Variants in GPATCH2L observed in about 807,000 individuals in gnomAD.
The protein encoded by GPATCH2L is G patch domain-containing protein 2-like.
A neutral mutation model predicts 57.4 loss-of-function variants in GPATCH2L; 31 were observed. The ratio of observed to expected loss-of-function variants is 0.54; its 90% CI spans 0.41 to 0.73. GPATCH2L has a LOEUF of 0.73. Among genes scored for constraint, GPATCH2L ranks in the 30% least tolerant of loss-of-function variants. The probability of loss-of-function intolerance (pLI) is 0.00; values close to 1 mark genes in which losing one functional copy is unlikely to be tolerated. For missense variants in GPATCH2L, 481 were observed against 599.9 expected (o/e 0.80, Z 2.07); for synonymous variants, 199 against 210.7 (o/e 0.94, Z 0.48).
intron 8 of GPATCH2L, among the ~76,000 whole-genome samples, chr14:76,181,433 G>T (rs996464186): frequency 6.6e-6 from 1 of 152,176 alleles, no homozygotes; most frequent in African/African-American, 2.4e-5. Flanking sequence ...CTTCCTGCTC[G>T]TTATCTGTTT....
rs2040391390 is a variant in GPATCH2L, at chr14:76,207,457, A to G, written c.*5606A>G. 1 of 152,210 alleles carries G rather than the reference A, an allele frequency of 6.6e-6. No homozygotes were observed. The highest frequency in any genetic ancestry group is 6.5e-5 in the Admixed American group (1 of 15,282). The allele number at this position is 152,210 out of a possible 1,614,324, so 9.4% of individuals were successfully genotyped here. On this transcript the variant is annotated 3_prime_UTR_variant, in exon 10 of 10. Coordinates refer to ENST00000261530, the MANE Select transcript of GPATCH2L (RefSeq NM_017926.4). Reference sequence around the variant, plus strand: ...TTACCATATTTGTTCATTAGATCTTAGTTTCAAGGGAAAGTATCATGTATT... The same window carrying G: ...TTACCATATTTGTTCATTAGATCTTGGTTTCAAGGGAAAGTATCATGTATT...
At chr14:76,166,098 A>G (rs2038823177) in intron 2 of GPATCH2L, among the ~76,000 whole-genome samples, 1 of 152,158 alleles carries the variant, frequency 6.6e-6, no homozygotes, top group Admixed American at 6.5e-5. Flanking sequence ...GTTTGTTTTT[A>G]TATTTTTGTT....
In GPATCH2L at chr14:76,201,816, A is replaced by T. The variant is rs1312642714; in HGVS notation, c.1414A>T (p.Lys472Ter). 35 of 1,613,910 alleles carry T rather than the reference A, an allele frequency of 2.2e-5. No individual in the cohort carries two copies. The highest frequency in any genetic ancestry group is 3.3e-4 in the Middle Eastern group (2 of 6,082). Residue 472 changes from lysine (K) to a stop codon, truncating the protein, a stop_gained, in exon 10 of 10, where the codon AAA (lysine) becomes TAA (stop). Coordinates refer to ENST00000261530, the MANE Select transcript of GPATCH2L (RefSeq NM_017926.4). LOFTEE classifies it high-confidence loss of function. ...ATDATTATFF[K>*]MPQEKSPGYS is the part of the protein sequence containing the mutation. ...AGACGCAACTACTGCTACATTTTTT[A>T]AAATGCCACAAGAAAAGAGCCCTGG...
intron 1 of GPATCH2L, among the ~76,000 whole-genome samples, chr14:76,223,659 A>G (rs1365656499): frequency 6.6e-6 from 1 of 152,228 alleles, no homozygotes; most frequent in African/African-American, 2.4e-5. Context: ...ACAGAATGGG[A>G]GAAAATATTT....
chr14:76,192,892 A>G (rs546499040), intron 8 of GPATCH2L, among the ~76,000 whole-genome samples: 85 of 152,200 alleles, frequency 5.6e-4, no homozygotes, highest in Non-Finnish European at 1.1e-3. Context: ...AAGATATTCA[A>G]GGCAACAGTT....
chr14:76,181,374 G>A (rs551088724), intron 8 of GPATCH2L, among the ~76,000 whole-genome samples: 48 of 152,274 alleles, frequency 3.2e-4, no homozygotes, highest in Admixed American at 9.8e-4. Flanking sequence ...GTGCCACCTC[G>A]TCAAGGAGGA....
At position 76,172,035 on chromosome 14, in the gene GPATCH2L, A is replaced by AT. The variant is rs1344544568; in HGVS notation, c.904+16_904+17insT. 1 of 1,538,546 alleles carries AT rather than the reference A, an allele frequency of 6.5e-7. No individual in the cohort carries two copies. The highest frequency in any genetic ancestry group is 1.9e-5 in the Admixed American group (1 of 51,772). ...GCTCAAAGAGGTGAGTTCTGAGGAG[A>AT]CCAAGAACTTAATGCTTTTATGGTT... On this transcript the variant is annotated intron_variant, in intron 4 of 9. Transcript: ENST00000261530.
chr14:76,209,106 G>A lies in GPATCH2L; in HGVS notation c.*7255G>A, dbSNP rs1227030047. 2 of 152,186 alleles carry A rather than the reference G, an allele frequency of 1.3e-5. No individual in the cohort carries two copies. Among genetic ancestry groups the A allele is most frequent in the African/African-American group, 2.4e-5 (1 of 41,416 alleles). 9.4% of individuals were successfully genotyped at this position (152,186 alleles called of 1,614,324 possible). A position where few individuals can be genotyped will look rare whatever the true frequency, so the allele number is the denominator to read the frequency against. ...ATAGGTTGATTTTTATGACACTGAT[G>A]CTATATAACCACTTCCTTCTTTGGA... On this transcript the variant is annotated 3_prime_UTR_variant, in exon 10 of 10. Coordinates refer to ENST00000261530, the MANE Select transcript of GPATCH2L (RefSeq NM_017926.4).
At chr14:76,192,099 T>C (rs2039988785) in intron 8 of GPATCH2L, among the ~76,000 whole-genome samples, 1 of 151,646 alleles carries the variant, frequency 6.6e-6, no homozygotes, top group African/African-American at 2.4e-5. Flanking sequence ...TCCATGTTGC[T>C]GTGAATGACA....
intron 1 of GPATCH2L, among the ~76,000 whole-genome samples, chr14:76,220,353 A>G (rs1376228171): frequency 1.3e-5 from 2 of 152,246 alleles, no homozygotes; most frequent in African/African-American, 4.8e-5. Context: ...AGGCTGATAT[A>G]GCTATACAAA....
At chr14:76,189,330 C>A (rs34899913) in intron 8 of GPATCH2L, among the ~76,000 whole-genome samples, 59,314 of 151,726 alleles carry the variant, frequency 0.39, 14,071 homozygotes, top group South Asian at 0.56. Flanking sequence ...TTCTTTCAAT[C>A]CATGAACATG....
chr14:76,222,221 T>G (rs944605947), intron 1 of GPATCH2L, among the ~76,000 whole-genome samples: 1 of 152,182 alleles, frequency 6.6e-6, no homozygotes, highest in African/African-American at 2.4e-5. Context: ...AACCTTCATA[T>G]TCTAAGAATG....
chr14:76,154,344 C>T lies in GPATCH2L; in HGVS notation c.-10-10C>T. The T allele has an allele frequency of 3.9e-6, 6 of 1,527,256 alleles. No homozygotes were observed. Among genetic ancestry groups the T allele is most frequent in the East Asian group, 2.3e-5 (1 of 43,236 alleles). The allele number at this position is 1,527,256 out of a possible 1,614,324, so 94.6% of individuals were successfully genotyped here. On this transcript the variant is annotated splice_polypyrimidine_tract_variant and intron_variant, in intron 1 of 9. Coordinates refer to ENST00000261530, the MANE Select transcript of GPATCH2L (RefSeq NM_017926.4). The surrounding 1 kb of genome is among the most constrained non-coding windows in gnomAD (Gnocchi z 4.4). The stretch of plus-strand genomic sequence containing the variant: ...TTTCTTTCTTTTTTTCCTAAACTTC[C>T]TTTTGGCAGATGTGGCCTCATGGAT...
At chr14:76,227,686 C>CTA (rs1290946099) in intron 1 of GPATCH2L, among the ~76,000 whole-genome samples, 1 of 152,032 alleles carries the variant, frequency 6.6e-6, no homozygotes, top group Non-Finnish European at 1.5e-5. Context: ...AGATATAATC[C>CTA]TATACATTTA....
intron 8 of GPATCH2L, among the ~76,000 whole-genome samples, chr14:76,183,540 T>C (rs1372323607): frequency 1.3e-5 from 2 of 152,368 alleles, no homozygotes; most frequent in East Asian, 3.8e-4. Context: ...TTATATTTTA[T>C]GTATATGTAC....
At chr14:76,217,540 C>A (rs1162116185), downstream of GPATCH2L, among the ~76,000 whole-genome samples, 1 of 151,708 alleles carries the variant, frequency 6.6e-6, no homozygotes. Flanking sequence ...TGTACTCTTC[C>A]ACACTAAATA....
intron 2 of GPATCH2L, among the ~76,000 whole-genome samples, chr14:76,235,125 G>A (rs943050975): frequency 1.3e-5 from 2 of 148,334 alleles, no homozygotes; most frequent in African/African-American, 2.5e-5. Flanking sequence ...CTGAGATCAC[G>A]CCGTTGCACT....
At chr14:76,171,147 T>C (rs1268850971) in intron 3 of GPATCH2L, among the ~76,000 whole-genome samples, 1 of 152,140 alleles carries the variant, frequency 6.6e-6, no homozygotes, top group Non-Finnish European at 1.5e-5. Flanking sequence ...AATGCCTTGA[T>C]TTATTTAAAA....
chr14:76,162,670 A>C (rs2038647636), intron 2 of GPATCH2L, among the ~76,000 whole-genome samples: 1 of 152,188 alleles, frequency 6.6e-6, no homozygotes, highest in South Asian at 2.1e-4. Context: ...GAACTCATTA[A>C]GAGGATGTTT....
Sources: gnomAD v4.1 joint callset for allele counts (sites outside exome capture counted in the v4.1 genomes callset) on GRCh38, gnomAD v4.1.1 for gene constraint, Gnocchi (gnomAD v3.1) non-coding constraint, MANE v1.5 for transcripts, NCBI Gene and HGNC (gene_info 2026-07-23, HGNC 2026-07-21) for gene names.